Variants in DMD observed in about 807,000 individuals in gnomAD.
DMD encodes dystrophin.
A neutral mutation model predicts 330.1 loss-of-function variants in DMD; 63 were observed. The observed-to-expected ratio is 0.19, with a 90% CI of 0.16 to 0.24. DMD has a LOEUF of 0.24. Ranked by LOEUF, DMD falls within the 10% of genes least tolerant of loss-of-function variation. The pLI, the probability that DMD is intolerant of heterozygous loss-of-function variation, is 1.00. For missense variants in DMD, 3,344 were observed against 2,684.1 expected (o/e 1.25, Z -5.43); for synonymous variants, 1,223 against 959.8 (o/e 1.27, Z -5.07).
At chrX:33,008,872 T>TGTATA (rs1569548715) in intron 2 of DMD, among the ~76,000 whole-genome samples, 6 of 42,044 alleles carry the variant, frequency 1.4e-4, no homozygotes, top group Non-Finnish European at 2.6e-4. Context: ...ATACACATAC[T>TGTATA]CATATATGTA....
chrX:31,739,878 T>C (rs2149067594), intron 51 of DMD, among the ~76,000 whole-genome samples: 1 of 108,452 alleles, frequency 9.2e-6, no homozygotes, highest in Non-Finnish European at 1.9e-5. Context: ...CCTACCAAAT[T>C]TGGTGACTTC....
At chrX:33,170,743 G>T (rs756467) in intron 1 of DMD, among the ~76,000 whole-genome samples, 1 of 110,743 alleles carries the variant, frequency 9.0e-6, no homozygotes, top group Non-Finnish European at 1.9e-5. Context: ...AATGGCCATA[G>T]ATGGCAAGTG....
intron 45 of DMD, among the ~76,000 whole-genome samples, chrX:31,965,221 A>G (rs1415294099): frequency 9.0e-6 from 1 of 111,624 alleles, no homozygotes; most frequent in East Asian, 2.8e-4. Context: ...GCACATTAAA[A>G]TGACTGAAAC....
intron 67 of DMD, among the ~76,000 whole-genome samples, chrX:31,199,827 C>T (rs2043259277): frequency 8.9e-6 from 1 of 112,180 alleles, no homozygotes; most frequent in Non-Finnish European, 1.9e-5. Flanking sequence ...GAAATAGCAG[C>T]CTTTGAGCAC....
At chrX:31,284,581 C>CTTCTTCT in intron 62 of DMD, among the ~76,000 whole-genome samples, 1 of 95,069 alleles carries the variant, frequency 1.1e-5, no homozygotes, top group African/African-American at 4.2e-5. Flanking sequence ...TCTTCTTCTT[C>CTTCTTCT]TTCTTCTTCT....
Position 32,781,527 on chromosome X carries a change from CG to C in DMD, c.649+27965del, listed in dbSNP as rs1384378682. ...CATTCTCATATATAACTCAATATACCGGGAACACTGTAGATTCTAAATAAGT... is the reference window on the plus strand; with the variant it reads ...CATTCTCATATATAACTCAATATACCGGAACACTGTAGATTCTAAATAAGT... On this transcript the variant is annotated intron_variant, in intron 7 of 78. Coordinates refer to ENST00000357033, the MANE Select transcript of DMD (RefSeq NM_004006.3). 3.6e-5 allele frequency among the ~76,000 whole-genome samples: 4 copies of C among 110,581 alleles called. No individual in the cohort carries two copies. In the Admixed American group the frequency reaches 3.9e-4, roughly 11 times the overall value.
At chrX:32,143,540 A>ATTTTTTT (rs746106044) in intron 44 of DMD, among the ~76,000 whole-genome samples, 1 of 97,433 alleles carries the variant, frequency 1.0e-5, no homozygotes. Context: ...GTAAAAATAC[A>ATTTTTTT]TTTTTTTTTT....
intron 1 of DMD, among the ~76,000 whole-genome samples, chrX:33,065,951 G>C (rs1445240149): frequency 9.0e-6 from 1 of 110,686 alleles, no homozygotes; most frequent in Non-Finnish European, 1.9e-5. Flanking sequence ...ATGCTATATA[G>C]ATGAGCAGGA....
At chrX:31,396,239 G>A (rs978418202) in intron 60 of DMD, among the ~76,000 whole-genome samples, 4 of 107,756 alleles carry the variant, frequency 3.7e-5, no homozygotes, top group Admixed American at 2.0e-4. Flanking sequence ...CCGGGTTCAC[G>A]CCATTCTCCT....
chrX:31,530,647 C>CTTTTT (rs1192286078), intron 55 of DMD, among the ~76,000 whole-genome samples: 1 of 49,843 alleles, frequency 2.0e-5, no homozygotes, highest in Non-Finnish European at 3.6e-5. Flanking sequence ...ACTGGTTTCT[C>CTTTTT]TTTTTTTTTT....
At chrX:32,306,175 G>A (rs999099141) in intron 42 of DMD, among the ~76,000 whole-genome samples, 27 of 110,481 alleles carry the variant, frequency 2.4e-4, no homozygotes, top group African/African-American at 7.9e-4. Context: ...GCAAAGATTC[G>A]TTAGTCTTTT....
chrX:31,869,029 AAG>A (rs1339225838), intron 48 of DMD, among the ~76,000 whole-genome samples: 1 of 42,125 alleles, frequency 2.4e-5, no homozygotes, highest in Non-Finnish European at 3.8e-5. Context: ...CTGCTCCTAA[AAG>A]AGAGTAGTAG....
intron 50 of DMD, among the ~76,000 whole-genome samples, chrX:31,815,539 GCGAAGAA>G (rs2092602641): frequency 9.0e-6 from 1 of 111,508 alleles, no homozygotes; most frequent in African/African-American, 3.3e-5. Flanking sequence ...TCTATACTTT[GCGAAGAA>G]CTGGGTGGTT....
intron 55 of DMD, among the ~76,000 whole-genome samples, chrX:31,554,677 T>C (rs2074698186): frequency 8.9e-6 from 1 of 112,149 alleles, no homozygotes. Flanking sequence ...AAATGAATCA[T>C]AATTGAATAC....
intron 18 of DMD, among the ~76,000 whole-genome samples, chrX:32,512,599 A>C (rs1454915835): frequency 8.9e-6 from 1 of 112,668 alleles, no homozygotes; most frequent in Non-Finnish European, 1.9e-5. Flanking sequence ...TGGAATTGAA[A>C]TGAAAATGGC....
At chrX:31,452,064 C>T (rs2065796224) in intron 59 of DMD, among the ~76,000 whole-genome samples, 1 of 109,183 alleles carries the variant, frequency 9.2e-6, no homozygotes. Context: ...TTAGCATAAT[C>T]AGAAACACTT....
chrX:33,102,912 C>T (rs896393911), intron 1 of DMD, among the ~76,000 whole-genome samples: 8 of 111,812 alleles, frequency 7.2e-5, no homozygotes, highest in Non-Finnish European at 1.1e-4. Context: ...CATACTTAAA[C>T]CCGTAAATGG....
rs745473193 is a variant in DMD, at chrX:31,507,183, G to A, written c.8390+98C>T. The A allele has an allele frequency of 2.8e-5, 23 of 812,566 alleles. No individual in the cohort carries two copies. The Middle Eastern group carries it at 1.6e-3, about 57-fold the overall frequency. 67.0% of individuals were successfully genotyped at this position (812,566 alleles called of 1,213,427 possible). On this transcript the variant is annotated intron_variant, in intron 56 of 78. Coordinates refer to ENST00000357033, the MANE Select transcript of DMD (RefSeq NM_004006.3). ...ATCATTCTGAAATTGGATGATTTAC[G>A]TAGACATGTGAGATACCAGTTACTT...
chrX:31,571,254 G>GGGGTGTGT (rs1391973551), intron 55 of DMD, among the ~76,000 whole-genome samples: 8 of 90,445 alleles, frequency 8.8e-5, no homozygotes, highest in African/African-American at 2.9e-4. Flanking sequence ...GATTTAAAGG[G>GGGGTGTGT]GTGTGTGTGT....
Sources: allele counts gnomAD v4.1 joint callset (sites outside exome capture counted in the v4.1 genomes callset), GRCh38; gene constraint gnomAD v4.1.1; transcripts MANE v1.5; gene names NCBI Gene and HGNC (gene_info 2026-07-23, HGNC 2026-07-21).